The following STK3 variants were observed in gnomAD, a reference collection of about 807,000 sequenced individuals.
STK3 encodes serine/threonine-protein kinase 3.
In STK3, 41 loss-of-function variants were observed where a neutral mutation model predicts 58.0. The ratio of observed to expected loss-of-function variants is 0.71; its 90% confidence interval spans 0.55 to 0.92. The LOEUF is 0.92. Ranked by LOEUF, STK3 falls within the 40% of genes least tolerant of loss-of-function variation. STK3 has a pLI of 0.00. For missense variants in STK3, 479 were observed against 602.7 expected (o/e 0.79, Z 2.15); for synonymous variants, 170 against 191.0 (o/e 0.89, Z 0.91).
At chr8:98,796,372 T>G (rs938643732) in intron 1 of STK3, among the ~76,000 whole-genome samples, 1 of 152,070 alleles carries the variant, frequency 6.6e-6, no homozygotes, top group African/African-American at 2.4e-5. Context: ...TCAACAAAAT[T>G]GACAAAAGCA....
intron 2 of STK3, among the ~76,000 whole-genome samples, chr8:98,376,283 T>C (rs1413185928): frequency 2.0e-5 from 3 of 152,238 alleles, no homozygotes; most frequent in Admixed American, 1.3e-4. Context: ...GCTGTCTTAC[T>C]GTTGAGTTTT....
chr8:98,919,647 C>A (rs573177053), intron 1 of STK3, among the ~76,000 whole-genome samples: 8 of 152,188 alleles, frequency 5.3e-5, no homozygotes, highest in African/African-American at 1.9e-4. Context: ...TTACCTTAAA[C>A]AACTCTTAAG....
chr8:98,933,290 G>T (rs1297055263), intron 1 of STK3, among the ~76,000 whole-genome samples: 1 of 152,096 alleles, frequency 6.6e-6, no homozygotes, highest in African/African-American at 2.4e-5. Context: ...TTGTATGTGG[G>T]GAGTTGATAA....
intron 3 of STK3, among the ~76,000 whole-genome samples, chr8:98,762,587 C>T (rs1280431683): frequency 6.6e-6 from 1 of 152,228 alleles, no homozygotes; most frequent in Admixed American, 6.5e-5. Flanking sequence ...CTTGTGAGAG[C>T]ACATCAGGCC....
At chr8:98,603,283 C>CAG (rs1448661996) in intron 6 of STK3, 5 of 151,628 alleles carry the variant, frequency 3.3e-5, no homozygotes, top group African/African-American at 1.2e-4. Flanking sequence ...CCCATCCAGG[C>CAG]TGGAGTGCAG....
chr8:98,740,562 C>A (rs529350492), intron 4 of STK3, among the ~76,000 whole-genome samples: 1 of 152,108 alleles, frequency 6.6e-6, no homozygotes, highest in Admixed American at 6.5e-5. Context: ...TTTGTCACCA[C>A]CAGGCGTGCC....
At chr8:98,838,212 C>T (rs980894842) in intron 3 of STK3, among the ~76,000 whole-genome samples, 2 of 152,122 alleles carry the variant, frequency 1.3e-5, no homozygotes, top group Non-Finnish European at 2.9e-5. Flanking sequence ...CATTGCCCTC[C>T]AACCTAGGTG....
At chr8:98,366,385 ATTTG>A (rs1378985602), downstream of STK3, among the ~76,000 whole-genome samples, 2 of 151,902 alleles carry the variant, frequency 1.3e-5, no homozygotes, top group Admixed American at 6.6e-5. Context: ...ATCCTTTTTA[ATTTG>A]TTTTTTACTT....
chr8:98,748,202 A>G (rs1829762372), intron 4 of STK3, among the ~76,000 whole-genome samples: 1 of 152,186 alleles, frequency 6.6e-6, no homozygotes, highest in African/African-American at 2.4e-5. Context: ...TGAGTTTAAA[A>G]CAATTCTCTA....
chr8:98,636,233 A>G (rs1452388277), intron 6 of STK3, among the ~76,000 whole-genome samples: 1 of 152,126 alleles, frequency 6.6e-6, no homozygotes, highest in Non-Finnish European at 1.5e-5. Context: ...GAGAGGTTAA[A>G]TTGGGCATGG....
chr8:98,744,366 T>C (rs1829480250), intron 4 of STK3, among the ~76,000 whole-genome samples: 1 of 151,800 alleles, frequency 6.6e-6, no homozygotes, highest in Non-Finnish European at 1.5e-5. Context: ...ATTAAGAAAA[T>C]GTGGCACATA....
At chr8:98,582,937 C>T (rs1586921226) in intron 7 of STK3, among the ~76,000 whole-genome samples, 1 of 152,168 alleles carries the variant, frequency 6.6e-6, no homozygotes, top group East Asian at 1.9e-4. Context: ...TAATTTGTAA[C>T]ATACAATGCT....
In STK3 at chr8:98,446,495, C is replaced by T. The variant is rs146885033; in HGVS notation, n.186-9287G>A. Among the ~76,000 whole-genome samples the T allele has an allele frequency of 2.1e-3, 318 of 152,028 alleles. 2 individuals are homozygous for T. Among genetic ancestry groups the T allele is most frequent in the African/African-American group, 7.3e-3 (302 of 41,384 alleles). ...ACTTTTCATAACCCTCTGAGGTTGTCTCTGCTTGATAAAGAAGGTAAGACT... is the reference window on the plus strand; with the variant it reads ...ACTTTTCATAACCCTCTGAGGTTGTTTCTGCTTGATAAAGAAGGTAAGACT... On this transcript the variant is annotated intron_variant and non_coding_transcript_variant, in intron 1 of 3. Coordinates refer to the STK3 transcript ENST00000517832.
chr8:98,736,337 A>ATGAG (rs1438912525), intron 4 of STK3, among the ~76,000 whole-genome samples: 6 of 152,170 alleles, frequency 3.9e-5, no homozygotes, highest in Non-Finnish European at 8.8e-5. Flanking sequence ...AGTGCAGAGG[A>ATGAG]TGAGGCAAGG....
chr8:98,506,960 AT>A (rs2131387169), intron 10 of STK3, among the ~76,000 whole-genome samples: 1 of 152,226 alleles, frequency 6.6e-6, no homozygotes, highest in African/African-American at 2.4e-5. Flanking sequence ...AAAACAACAC[AT>A]TTCTACTGTT....
At chr8:98,712,251 C>G (rs954398627) in intron 4 of STK3, among the ~76,000 whole-genome samples, 1 of 152,154 alleles carries the variant, frequency 6.6e-6, no homozygotes, top group Non-Finnish European at 1.5e-5. Context: ...CAGCTAACAT[C>G]ATAATGACAG....
upstream of STK3, among the ~76,000 whole-genome samples, chr8:98,825,999 C>T (rs1035129806): frequency 1.3e-5 from 2 of 150,218 alleles, no homozygotes; most frequent in Non-Finnish European, 3.0e-5. Flanking sequence ...GGCGGGTGGG[C>T]GGGGCCGGGG....
At chr8:98,746,290 C>T (rs994132753) in intron 4 of STK3, among the ~76,000 whole-genome samples, 2 of 152,048 alleles carry the variant, frequency 1.3e-5, no homozygotes, top group African/African-American at 4.8e-5. Context: ...TCAAAGATCA[C>T]AAGGCACAGA....
At chr8:98,757,100 G>A (rs2131389504) in intron 3 of STK3, among the ~76,000 whole-genome samples, 1 of 152,102 alleles carries the variant, frequency 6.6e-6, no homozygotes, top group African/African-American at 2.4e-5. Flanking sequence ...CTTCTCTTGT[G>A]AGCTGTATAT....
Sources: gnomAD v4.1 joint callset for allele counts (sites outside exome capture counted in the v4.1 genomes callset) on GRCh38, gnomAD v4.1.1 for gene constraint, MANE v1.5 for transcripts, NCBI Gene and HGNC (gene_info 2026-07-23, HGNC 2026-07-21) for gene names.